TNPO1: variants seen among roughly 807,000 people sequenced by gnomAD.
TNPO1 encodes the protein transportin-1.
TNPO1 carries 8 observed loss-of-function variants against 119.5 expected under a neutral mutation model. The observed-to-expected ratio is 0.07, with a 90% CI of 0.04 to 0.12. TNPO1 has a LOEUF of 0.12. Among genes scored for constraint, TNPO1 ranks in the 10% least tolerant of loss-of-function variants. The pLI is 1.00. For missense variants in TNPO1, 576 were observed against 1,089.8 expected (o/e 0.53, Z 6.64); for synonymous variants, 362 against 363.0 (o/e 1.00, Z 0.03).
chr5:72,831,808 C>T, intron 1 of TNPO1, among the ~76,000 whole-genome samples: 1 of 152,002 alleles, frequency 6.6e-6, no homozygotes, highest in East Asian at 1.9e-4. Context: ...ATTTTAATAG[C>T]TTAATCTGGG....
intron 2 of TNPO1, 31 bp from the exon 3 acceptor site, chr5:72,851,213 G>C (rs375053292): frequency 7.6e-7 from 1 of 1,314,506 alleles, no homozygotes; most frequent in African/African-American, 1.5e-5. Context: ...AGATTACACA[G>C]AGAAGTTTCC....
At chr5:72,832,894 C>T (rs1744540312) in intron 1 of TNPO1, among the ~76,000 whole-genome samples, 1 of 152,162 alleles carries the variant, frequency 6.6e-6, no homozygotes, top group Admixed American at 6.5e-5. Flanking sequence ...ACTCAGTTTA[C>T]TCTCCACCCA....
At chr5:72,868,683 A>G (rs1747142441) in intron 6 of TNPO1, among the ~76,000 whole-genome samples, 1 of 152,012 alleles carries the variant, frequency 6.6e-6, no homozygotes. Context: ...AAAGCTTCAA[A>G]TTGAATTCTG....
chr5:72,833,225 A>T (rs1428400226), intron 1 of TNPO1, among the ~76,000 whole-genome samples: 9 of 152,174 alleles, frequency 5.9e-5, no homozygotes, highest in Admixed American at 2.0e-4. Context: ...TATATACCAC[A>T]TGATTATATA....
At position 72,871,224 on chromosome 5, in the gene TNPO1, G is replaced by A. The variant is rs187396224; in HGVS notation, c.597-1415G>A. Reference sequence around the variant, plus strand: ...ACTCCTGACCTCAAGTGATCCGCCCGCCTCGGCCTCCCAAAGTGCTAGGAT... The same window carrying A: ...ACTCCTGACCTCAAGTGATCCGCCCACCTCGGCCTCCCAAAGTGCTAGGAT... On this transcript the variant is annotated intron_variant, in intron 6 of 24. Transcript: ENST00000337273. Among the ~76,000 whole-genome samples the A allele has an allele frequency of 1.1e-4, 17 of 152,174 alleles. No homozygotes were observed. In the East Asian group the frequency reaches 1.5e-3, roughly 14 times the overall value.
intron 20 of TNPO1, among the ~76,000 whole-genome samples, chr5:72,898,304 G>T (rs1749582878): frequency 6.6e-6 from 1 of 152,122 alleles, no homozygotes; most frequent in Non-Finnish European, 1.5e-5. Context: ...TAATGTATAT[G>T]AAAGTTTCTT....
intron 1 of TNPO1, among the ~76,000 whole-genome samples, chr5:72,837,834 C>G (rs374142205): frequency 2.6e-4 from 40 of 152,258 alleles, no homozygotes; most frequent in African/African-American, 8.7e-4. Flanking sequence ...GAAGATTGGA[C>G]AATTTTCCTA....
At chr5:72,822,911 T>G (rs1370993092) in intron 1 of TNPO1, among the ~76,000 whole-genome samples, 2 of 23,912 alleles carry the variant, frequency 8.4e-5, no homozygotes, top group East Asian at 7.6e-4. Flanking sequence ...GTCTACACTT[T>G]TTTTTTTTTT....
chr5:72,824,802 C>CT (rs34029355), intron 1 of TNPO1, among the ~76,000 whole-genome samples: 28,121 of 152,002 alleles, frequency 0.19, 2,944 homozygotes, highest in African/African-American at 0.28. Flanking sequence ...TCTTTAGCCC[C>CT]CTCCTCAATT....
intron 4 of TNPO1, among the ~76,000 whole-genome samples, chr5:72,856,196 G>A (rs1023595825): frequency 6.6e-6 from 1 of 152,018 alleles, no homozygotes; most frequent in Non-Finnish European, 1.5e-5. Context: ...ATTAATTTGC[G>A]GACACTACTT....
chr5:72,830,452 TTTAAA>T (rs1744410509), intron 1 of TNPO1, among the ~76,000 whole-genome samples: 1 of 152,168 alleles, frequency 6.6e-6, no homozygotes, highest in African/African-American at 2.4e-5. Context: ...TTAATAACAA[TTTAAA>T]TTAATAGGTT....
At chr5:72,892,135 G>C (rs1474766489) in intron 15 of TNPO1, among the ~76,000 whole-genome samples, 2 of 151,142 alleles carry the variant, frequency 1.3e-5, no homozygotes, top group African/African-American at 4.9e-5. Context: ...ATATAGTATA[G>C]AGTAGATAAC....
At chr5:72,894,495 C>T (rs1302897460) in intron 18 of TNPO1, among the ~76,000 whole-genome samples, 1 of 152,156 alleles carries the variant, frequency 6.6e-6, no homozygotes, top group African/African-American at 2.4e-5. Context: ...CACGGTGAAA[C>T]CCCGCTTCTA....
At chr5:72,868,324 C>T (rs1177169520) in intron 6 of TNPO1, among the ~76,000 whole-genome samples, 49 of 142,324 alleles carry the variant, frequency 3.4e-4, no homozygotes, top group South Asian at 4.8e-4. Context: ...CCCAGCAACT[C>T]GGGAGGCTGA....
In TNPO1 at chr5:72,851,262, C is replaced by A; in HGVS notation, c.148C>A (p.Gln50Lys). The change falls in exon 3 of 25, where the codon CAG becomes AAG. Residue 50 changes from glutamine (Q) to lysine (K), a missense_variant. Gln to Lys is a moderately conservative substitution (Grantham distance 53). Around this residue, in one of 6 missense-constraint regions of TNPO1, gnomAD observed 57 missense variants for 59.5 expected, o/e 0.96. Transcript: ENST00000337273. ...TVQQKLEQLNQYPDFNNYLIF... is the reference protein window; with the variant it reads ...TVQQKLEQLNKYPDFNNYLIF... ...GTTCTAGAAACTGGAACAACTTAAT[C>A]AGTATCCAGACTTTAACAACTACTT... 6.3e-7 allele frequency: 1 copy of A among 1,599,320 alleles called. No individual in the cohort carries two copies. Among genetic ancestry groups the A allele is most frequent in the South Asian group, 1.1e-5 (1 of 89,582 alleles).
chr5:72,848,927 G>C (rs1378568920), intron 2 of TNPO1, among the ~76,000 whole-genome samples: 6 of 151,816 alleles, frequency 4.0e-5, no homozygotes, highest in Non-Finnish European at 8.8e-5. Context: ...GCGGGAGGCC[G>C]GGTGGAGGGC....
rs146225011 is a variant in TNPO1, at chr5:72,913,931, A to G, written c.*5258A>G. 24 of 152,720 alleles carry G rather than the reference A, an allele frequency of 1.6e-4. No individual in the cohort carries two copies. Among genetic ancestry groups the G allele is most frequent in the African/African-American group, 5.5e-4 (23 of 41,586 alleles). The allele number at this position is 152,720 out of a possible 1,614,324, so 9.5% of individuals were successfully genotyped here. On this transcript the variant is annotated 3_prime_UTR_variant, in exon 25 of 25. Coordinates refer to ENST00000337273, the MANE Select transcript of TNPO1 (RefSeq NM_002270.4). ...GTTTAAACGTGGTAAATCACTTCAT[A>G]TTACAAAACAGTTTTACACTTAATA...
chr5:72,834,913 G>C (rs151268157), intron 1 of TNPO1, among the ~76,000 whole-genome samples: 1 of 151,494 alleles, frequency 6.6e-6, no homozygotes, highest in African/African-American at 2.4e-5. Context: ...ATCTTTTTAT[G>C]CTTTTTTACC....
At chr5:72,861,378 C>T (rs1159517303) in intron 4 of TNPO1, among the ~76,000 whole-genome samples, 5 of 151,994 alleles carry the variant, frequency 3.3e-5, no homozygotes, top group African/African-American at 7.3e-5. Flanking sequence ...CCACAAGGTA[C>T]GGAATGGTGA....
Sources: allele counts gnomAD v4.1 joint callset (sites outside exome capture counted in the v4.1 genomes callset), GRCh38; gene constraint gnomAD v4.1.1; regional missense constraint gnomAD v4.1.1; transcripts MANE v1.5; gene names NCBI Gene and HGNC (gene_info 2026-07-23, HGNC 2026-07-21).